FAM200C: variants seen among roughly 807,000 people sequenced by gnomAD.
chr5:160,393,333 G>A, the FAM200C span: 91 of 183,740 alleles, frequency 5.0e-4, no homozygotes, highest in Admixed American at 4.2e-4. Context: ...AAAGACGGGC[G>A]AACTCAATCT....
chr5:160,395,645 C>T, the FAM200C span: 1 of 661,990 alleles, frequency 1.5e-6, no homozygotes, highest in Non-Finnish European at 2.6e-6. Flanking sequence ...CAGCCTGCAG[C>T]ATGTCAATTC....
the FAM200C span, chr5:160,395,437 A>G: frequency 1.2e-6 from 2 of 1,614,216 alleles, no homozygotes; most frequent in Admixed American, 3.3e-5. Flanking sequence ...CTTCCGTTGT[A>G]CAGGTGAACC....
the FAM200C span, chr5:160,394,586 T>C: frequency 1.2e-6 from 2 of 1,614,158 alleles, no homozygotes; most frequent in Non-Finnish European, 1.7e-6. Context: ...AGCTCTCCCT[T>C]TGATGAAATT....
the FAM200C span, chr5:160,394,360 A>G: frequency 5.6e-6 from 9 of 1,613,930 alleles, no homozygotes; most frequent in Non-Finnish European, 6.8e-6. Context: ...ATAAATCTGC[A>G]AGGTATGCTA....
the FAM200C span, chr5:160,394,716 C>A: frequency 6.2e-7 from 1 of 1,614,062 alleles, no homozygotes; most frequent in African/African-American, 1.3e-5. Context: ...TCTTTTTTCA[C>A]GTAGGCAACA....
At chr5:160,393,328 C>T in the FAM200C span, 411 of 185,686 alleles carry the variant, frequency 2.2e-3, no homozygotes, top group African/African-American at 9.1e-3. Flanking sequence ...ATAACAAAGA[C>T]GGGCGAACTC....
At chr5:160,396,278 G>T in the FAM200C span, among the ~76,000 whole-genome samples, 1 of 152,186 alleles carries the variant, frequency 6.6e-6, no homozygotes, top group African/African-American at 2.4e-5. Context: ...GACTAAACAG[G>T]TCTGTAATAC....
the FAM200C span, chr5:160,397,648 A>G: frequency 6.6e-6 from 1 of 152,224 alleles, no homozygotes; most frequent in Non-Finnish European, 1.5e-5. Flanking sequence ...CTAGTTGTAA[A>G]GTGTACTCCA....
chr5:160,393,620 T>C, the FAM200C span: 1 of 975,080 alleles, frequency 1.0e-6, no homozygotes, highest in African/African-American at 1.7e-5. Flanking sequence ...GAATTCAGTA[T>C]ATCATAAATA....
chr5:160,395,526 G>A, the FAM200C span: 1 of 1,557,850 alleles, frequency 6.4e-7, no homozygotes, highest in Non-Finnish European at 8.8e-7. Flanking sequence ...TTCCAGAGAT[G>A]CCACAGAATT....
At chr5:160,393,689 TA>T in the FAM200C span, 1 of 1,486,106 alleles carries the variant, frequency 6.7e-7, no homozygotes, top group Non-Finnish European at 9.1e-7. Context: ...AATTATTCAT[TA>T]AAAAAGTATA....
At chr5:160,393,358 T>C in the FAM200C span, 1 of 198,180 alleles carries the variant, frequency 5.0e-6, no homozygotes, top group South Asian at 1.3e-4. Flanking sequence ...TTTTGCCTTT[T>C]TGACTTCTGG....
At chr5:160,399,966 C>G in the FAM200C span, 1 of 152,284 alleles carries the variant, frequency 6.6e-6, no homozygotes, top group Admixed American at 6.5e-5. Flanking sequence ...GGGTCCAACC[C>G]CCGGGCAGGA....
the FAM200C span, among the ~76,000 whole-genome samples, chr5:160,396,698 G>GAAAAA: frequency 2.1e-5 from 1 of 48,360 alleles, no homozygotes; most frequent in African/African-American, 7.0e-5. Flanking sequence ...AGTCTCTGTG[G>GAAAAA]AAAAAAAAAA....
At chr5:160,400,000 A>C in the FAM200C span, 2 of 152,204 alleles carry the variant, frequency 1.3e-5, no homozygotes, top group Non-Finnish European at 2.9e-5. Flanking sequence ...CTGGAGAGAG[A>C]AGCATCCGCA....
chr5:160,394,012 A>AT, the FAM200C span: 1 of 1,613,144 alleles, frequency 6.2e-7, no homozygotes, highest in South Asian at 1.1e-5. Flanking sequence ...CAGCAAGATC[A>AT]TTTTTCATTA....
chr5:160,398,445 G>A, the FAM200C span, among the ~76,000 whole-genome samples: 1 of 152,180 alleles, frequency 6.6e-6, no homozygotes. Context: ...GCTGATGCAG[G>A]AGAATCGCTT....
chr5:160,395,310 G>GC, the FAM200C span: 3 of 1,614,170 alleles, frequency 1.9e-6, no homozygotes, highest in Non-Finnish European at 2.5e-6. Flanking sequence ...TTGAGATCAT[G>GC]CCCAGCTACA....
At chr5:160,396,872 C>T in the FAM200C span, among the ~76,000 whole-genome samples, 3 of 152,146 alleles carry the variant, frequency 2.0e-5, no homozygotes, top group African/African-American at 7.2e-5. Context: ...CAAGAACACA[C>T]ACATGCACAT....
Sources: gnomAD v4.1 joint callset for allele counts (sites outside exome capture counted in the v4.1 genomes callset) on GRCh38, gnomAD v4.1.1 for gene constraint, MANE v1.5 for transcripts.